The following TRIM46 variants were observed in gnomAD, a reference collection of about 807,000 sequenced individuals.
TRIM46 encodes tripartite motif containing 46.
Under a neutral mutation model 69.7 loss-of-function variants are expected in TRIM46, and 17 were observed. The observed-to-expected ratio is 0.24, with a 90% CI of 0.17 to 0.37. The LOEUF (loss-of-function observed/expected upper bound fraction) is 0.37, where lower values mean the gene tolerates loss of function less well. Among genes scored for constraint, TRIM46 ranks in the 10% least tolerant of loss-of-function variants. The pLI is 1.00. For missense variants in TRIM46, 675 were observed against 1,025.1 expected (o/e 0.66, Z 4.66); for synonymous variants, 391 against 429.0 (o/e 0.91, Z 1.09).
Position 155,175,590 on chromosome 1 carries a change from C to G in TRIM46, c.268C>G (p.Arg90Gly), listed in dbSNP as rs779977977. ...PASTPSTRSP[R>G]LSRRTLPKPD... is the part of the protein sequence containing the mutation. Reference sequence around the variant, plus strand: ...CTCCACCCCTTCCACCCGCAGCCCCCGCCTCTCCCGCAGAACTCTCCCCAA... The same window carrying G: ...CTCCACCCCTTCCACCCGCAGCCCCGGCCTCTCCCGCAGAACTCTCCCCAA... Residue 90 changes from arginine (R) to glycine (G), a missense_variant, in exon 2 of 10, where the codon CGC becomes GGC. By Grantham distance (125) the Arg-to-Gly change is moderately radical (BLOSUM62 -2). Around this residue, in one of 5 missense-constraint regions of TRIM46, gnomAD observed 170 missense variants for 255.6 expected, o/e 0.67. Coordinates refer to ENST00000334634, the MANE Select transcript of TRIM46 (RefSeq NM_025058.5). The surrounding 1 kb of genome is among the most constrained non-coding windows in gnomAD (Gnocchi z 4.2). 2 of 1,613,808 alleles carry G rather than the reference C, an allele frequency of 1.2e-6. No homozygotes were observed. The highest frequency in any genetic ancestry group is 3.3e-5 in the Admixed American group (2 of 60,002).
chr1:155,174,674 C>A (rs1170443389), intron 1 of TRIM46: 20 of 1,461,810 alleles, frequency 1.4e-5, no homozygotes, highest in Non-Finnish European at 1.7e-5. Flanking sequence ...AGCCTGAGGA[C>A]CCCCACTCTC....
intron 7 of TRIM46, chr1:155,178,834 C>T: frequency 1.4e-6 from 2 of 1,459,318 alleles, no homozygotes; most frequent in Non-Finnish European, 1.8e-6. Context: ...GACTCTGCTC[C>T]GGAGCACCCC....
Position 155,183,979 on chromosome 1 carries a change from G to A in TRIM46, c.2069G>A (p.Arg690His), listed in dbSNP as rs749801316. 6.2e-6 allele frequency: 10 copies of A among 1,613,888 alleles called. No individual in the cohort carries two copies. The highest frequency in any genetic ancestry group is 1.7e-5 in the Admixed American group (1 of 60,008). ...TAGCTVPLPP[R>H]LGICLDYERG... ...GGCTGCACAGTGCCCCTGCCACCCC[G>A]CCTGGGCATCTGCCTGGACTATGAG... The change falls in exon 10 of 10, where the codon CGC becomes CAC. Residue 690 changes from arginine (R) to histidine (H), a missense_variant. Arg to His is a conservative substitution (Grantham distance 29). Coordinates refer to ENST00000334634, the MANE Select transcript of TRIM46 (RefSeq NM_025058.5).
chr1:155,175,573 C>A lies in TRIM46; in HGVS notation c.251C>A (p.Pro84His), dbSNP rs1418498393. 1 of 1,613,656 alleles carries A rather than the reference C, an allele frequency of 6.2e-7. No individual in the cohort carries two copies. The highest frequency in any genetic ancestry group is 2.2e-5 in the East Asian group (1 of 44,876). Reference sequence around the variant, plus strand: ...GAGCCCACCTCTCCTGCCTCCACCCCTTCCACCCGCAGCCCCCGCCTCTCC... The same window carrying A: ...GAGCCCACCTCTCCTGCCTCCACCCATTCCACCCGCAGCCCCCGCCTCTCC... ...SSEPTSPASTPSTRSPRLSRR... is the reference protein window; with the variant it reads ...SSEPTSPASTHSTRSPRLSRR... Residue 84 changes from proline to histidine, a missense_variant, in exon 2 of 10, where the codon CCT becomes CAT. Transcript: ENST00000334634. This position sits in a 1 kb window ranked among gnomAD's most constrained non-coding sequence, Gnocchi z 4.2.
Position 155,177,059 on chromosome 1 carries a change from C to T in TRIM46, c.797C>T (p.Ala266Val). The T allele has an allele frequency of 6.2e-7, 1 of 1,613,092 alleles. No individual in the cohort carries two copies. Among genetic ancestry groups the T allele is most frequent in the Non-Finnish European group, 8.5e-7 (1 of 1,179,108 alleles). ...SGHKITPVLS[A>V]YQALKDKLTK... is the part of the protein sequence containing the mutation. The stretch of plus-strand genomic sequence containing the variant: ...CACAAGATCACACCAGTGCTCAGTG[C>T]CTACCAGGCCCTCAAGGTAAGGACC... Residue 266 changes from alanine to valine, a missense_variant, in exon 4 of 10, where the codon GCC becomes GTC. Ala to Val is a moderately conservative substitution (Grantham distance 64). Transcript: ENST00000334634.
chr1:155,176,377 T>C lies in TRIM46; in HGVS notation c.669+146T>C, dbSNP rs931524103. 6.2e-5 allele frequency: 49 copies of C among 793,678 alleles called. No individual in the cohort carries two copies. The Middle Eastern group carries it at 1.1e-3, about 18-fold the overall frequency. 49.2% of individuals were successfully genotyped at this position (793,678 alleles called of 1,614,324 possible). On this transcript the variant is annotated intron_variant, in intron 3 of 9. Coordinates refer to ENST00000334634, the MANE Select transcript of TRIM46 (RefSeq NM_025058.5). ...TCTCTGTAATCTGTCACAAAGTCAC[T>C]GGACAAATCATTCAACAACTTTGGG...
rs144445306 is a variant in TRIM46 at position 155,184,192 on chromosome 1, C to A, written c.*2C>A. On this transcript the variant is annotated 3_prime_UTR_variant, in exon 10 of 10. Transcript: ENST00000334634. The surrounding 1 kb of genome is among the most constrained non-coding windows in gnomAD (Gnocchi z 5.6). ...GGGGGCTTCGCCAAGCTGGACTGAG[C>A]CTTCCAGGCCCCTCATGCAGACCTG... 5.5e-5 allele frequency: 87 copies of A among 1,593,650 alleles called. No individual in the cohort carries two copies. The highest frequency in any genetic ancestry group is 6.7e-5 in the Non-Finnish European group (78 of 1,169,272).
chr1:155,183,830 C>T lies in TRIM46; in HGVS notation c.1920C>T (p.Ala640=), dbSNP rs114809126. 2.5e-3 allele frequency: 4,060 copies of T among 1,608,516 alleles called. 87 individuals carry two copies. In the African/African-American group the frequency reaches 0.048, roughly 19 times the overall value. ...YDPDSGHDSG[A]EDATVEASPP... The stretch of plus-strand genomic sequence containing the variant: ...CGGACAGCGGGCACGACAGCGGTGC[C>T]GAGGATGCCACAGTGGAGGCGTCGC... The change falls in exon 10 of 10, where the codon GCC becomes GCT. Residue 640 remains alanine, a synonymous_variant. Transcript: ENST00000334634.
Position 155,178,620 on chromosome 1 carries a change from A to G in TRIM46, c.1285+7A>G, listed in dbSNP as rs555376790. The G allele has an allele frequency of 6.2e-7, 1 of 1,612,042 alleles. No homozygotes were observed. Among genetic ancestry groups the G allele is most frequent in the South Asian group, 1.1e-5 (1 of 91,088 alleles). On this transcript the variant is annotated splice_region_variant and intron_variant, in intron 7 of 9. Coordinates refer to ENST00000334634, the MANE Select transcript of TRIM46 (RefSeq NM_025058.5). ...GAGCTTAACTTCCTGCGAGGTAAGG[A>G]GATGGCCAGGCCCCATGCCCAACCA...
rs1666184840 is a variant in TRIM46 at position 155,181,691 on chromosome 1, C to T, written c.1589-161C>T. On this transcript the variant is annotated intron_variant, in intron 8 of 9. Transcript: ENST00000334634. This position sits in a 1 kb window ranked among gnomAD's most constrained non-coding sequence, Gnocchi z 4.3. Reference sequence around the variant, plus strand: ...GCCCCCTTCTTTTTTCCTCATGCCCCCCATTCCAGTTTCCCATGTCCTGTT... The same window carrying T: ...GCCCCCTTCTTTTTTCCTCATGCCCTCCATTCCAGTTTCCCATGTCCTGTT... 6.6e-6 allele frequency among the ~76,000 whole-genome samples: 1 copy of T among 151,122 alleles called. No homozygotes were observed. Among genetic ancestry groups the T allele is most frequent in the Admixed American group, 6.6e-5 (1 of 15,122 alleles).
At chr1:155,174,821 C>T in intron 1 of TRIM46, 2 of 1,430,406 alleles carry the variant, frequency 1.4e-6, no homozygotes, top group Non-Finnish European at 1.8e-6. Flanking sequence ...CTGATGGGGG[C>T]GAAGGGGAAT....
chr1:155,176,962 G>T lies in TRIM46; in HGVS notation c.700G>T (p.Val234Leu). ...GLMCPDHKEE[V>L]THYCKTCQRL... ...TATGTGCCCAGACCACAAGGAAGAG[G>T]TGACCCACTACTGCAAGACATGCCA... The change falls in exon 4 of 10, where the codon GTG (valine) becomes TTG (leucine). Residue 234 changes from valine to leucine, a missense_variant. This residue lies in a region of TRIM46 where 361 missense variants were observed against 498.3 expected (regional missense o/e 0.72). Coordinates refer to ENST00000334634, the MANE Select transcript of TRIM46 (RefSeq NM_025058.5). 1 of 1,614,206 alleles carries T rather than the reference G, an allele frequency of 6.2e-7. No homozygotes were observed. Among genetic ancestry groups the T allele is most frequent in the Non-Finnish European group, 8.5e-7 (1 of 1,180,024 alleles).
In TRIM46 at chr1:155,173,866, C is replaced by A; in HGVS notation, c.-101C>A. 2 of 1,254,618 alleles carry A rather than the reference C, an allele frequency of 1.6e-6. No homozygotes were observed. The highest frequency in any genetic ancestry group is 1.1e-6 in the Non-Finnish European group (1 of 888,500). 77.7% of individuals were successfully genotyped at this position (1,254,618 alleles called of 1,614,324 possible). ...GAGCATGCGCAGTGACACCTCAACC[C>A]CCAGCCCTCCTCACACCCCCACTGG... On this transcript the variant is annotated 5_prime_UTR_variant, in exon 1 of 10. Transcript: ENST00000334634.
At chr1:155,177,770 G>C (rs555313173) in intron 5 of TRIM46, among the ~76,000 whole-genome samples, 4 of 152,320 alleles carry the variant, frequency 2.6e-5, no homozygotes, top group South Asian at 4.1e-4. Context: ...CTAAGGGGCA[G>C]AGATTATGAT....
rs997962258 is a variant in TRIM46, at chr1:155,178,172, A to G, written c.1080A>G (p.Ser360=). The change falls in exon 6 of 10, where the codon TCA becomes TCG. Residue 360 remains serine, a synonymous_variant. Coordinates refer to ENST00000334634, the MANE Select transcript of TRIM46 (RefSeq NM_025058.5). The part of the protein sequence containing the change: ...IQEHRSLLDG[S]GLVGYAQEVL... ...AGCACCGGAGCCTGCTGGATGGCTCAGGTCTGGTGGGCTATGCCCAGGAAG... is the reference window on the plus strand; with the variant it reads ...AGCACCGGAGCCTGCTGGATGGCTCGGGTCTGGTGGGCTATGCCCAGGAAG... 13 of 1,614,004 alleles carry G rather than the reference A, an allele frequency of 8.1e-6. No individual in the cohort carries two copies. Among genetic ancestry groups the G allele is most frequent in the Non-Finnish European group, 1.1e-5 (13 of 1,179,968 alleles).
chr1:155,179,343 G>A (rs553047970), intron 7 of TRIM46, among the ~76,000 whole-genome samples: 6 of 152,306 alleles, frequency 3.9e-5, no homozygotes, highest in African/African-American at 1.4e-4. Flanking sequence ...GGAGGAAACT[G>A]AGGCCCAGAA....
rs1665990555 is a variant in TRIM46, at chr1:155,179,732, T to C, written c.1386T>C (p.Tyr462=). ...CCCATTCACCACCTGCCTGGCACTATACCGTTGAGTTCCGGCGCACGGATG... is the reference window on the plus strand; with the variant it reads ...CCCATTCACCACCTGCCTGGCACTACACCGTTGAGTTCCGGCGCACGGATG... The part of the protein sequence containing the change: ...LPPHSPPAWH[Y]TVEFRRTDVP... Residue 462 remains tyrosine (Y), a synonymous_variant, in exon 8 of 10, where the codon TAT becomes TAC. Transcript: ENST00000334634. 6.2e-7 allele frequency: 1 copy of C among 1,613,400 alleles called. No individual in the cohort carries two copies. The highest frequency in any genetic ancestry group is 1.3e-5 in the African/African-American group (1 of 74,950).
In TRIM46 at chr1:155,178,056, G is replaced by T. The variant is rs1458751377; in HGVS notation, c.964G>T (p.Ala322Ser). 1 of 1,613,888 alleles carries T rather than the reference G, an allele frequency of 6.2e-7. No individual in the cohort carries two copies. Among genetic ancestry groups the T allele is most frequent in the East Asian group, 2.2e-5 (1 of 44,884 alleles). ...EVSQLVRGLG[A>S]VLEEKRASLL... Reference sequence around the variant, plus strand: ...GTCGCAGCTGGTGCGGGGGCTGGGGGCTGTGCTGGAGGAGAAGCGGGCATC... The same window carrying T: ...GTCGCAGCTGGTGCGGGGGCTGGGGTCTGTGCTGGAGGAGAAGCGGGCATC... Residue 322 changes from alanine (A) to serine (S), a missense_variant, in exon 6 of 10, where the codon GCT (alanine) becomes TCT (serine). This residue lies in a region of TRIM46 where 361 missense variants were observed against 498.3 expected (regional missense o/e 0.72). Transcript: ENST00000334634.
rs143189884 is a variant in TRIM46, at chr1:155,175,681, C to T, written c.325+34C>T. The T allele has an allele frequency of 6.8e-4, 1,104 of 1,612,228 alleles. No homozygotes were observed. Among genetic ancestry groups the T allele is most frequent in the Non-Finnish European group, 8.9e-4 (1,055 of 1,179,926 alleles). On this transcript the variant is annotated intron_variant, in intron 2 of 9. Transcript: ENST00000334634. The surrounding 1 kb of genome is among the most constrained non-coding windows in gnomAD (Gnocchi z 4.2). ...GGGGCCTGTAGGGTGGGGATGGGAA[C>T]GCTGAGCTATTCATCAGGAAGATGG...
Sources: gnomAD v4.1 joint callset for allele counts (sites outside exome capture counted in the v4.1 genomes callset) on GRCh38, gnomAD v4.1.1 for gene constraint, gnomAD v4.1.1 regional missense constraint, Gnocchi (gnomAD v3.1) non-coding constraint, MANE v1.5 for transcripts, NCBI Gene and HGNC (gene_info 2026-07-23, HGNC 2026-07-21) for gene names.